Variants in LOXL1 observed in about 807,000 individuals in gnomAD.
LOXL1 encodes the protein lysyl oxidase like 1, also known as lysyl oxidase homolog 1.
In LOXL1, 31 loss-of-function variants were observed where a neutral mutation model predicts 62.2. That is an observed-to-expected ratio of 0.50 (90% CI 0.37 to 0.67). LOXL1 has a LOEUF of 0.67. Ranked by LOEUF, LOXL1 falls within the 30% of genes least tolerant of loss-of-function variation. LOXL1 has a pLI of 0.00. For missense variants in LOXL1, 775 were observed against 843.4 expected (o/e 0.92, Z 1.00); for synonymous variants, 403 against 384.4 (o/e 1.05, Z -0.56).
chr15:73,937,205 G>A (rs1437997823), intron 1 of LOXL1, among the ~76,000 whole-genome samples: 1 of 152,224 alleles, frequency 6.6e-6, no homozygotes, highest in Non-Finnish European at 1.5e-5. Context: ...GACAGGGTGG[G>A]CTTGTCCCGA....
At position 73,947,556 on chromosome 15, in the gene LOXL1, T is replaced by C. The variant is rs2068756888; in HGVS notation, c.1507-251T>C. ...ACCCTAAATATCCACAAACTGTCCA[T>C]CTGTCCTGTCTCTTTTTATCCATTC... is the stretch of plus-strand genomic sequence containing the variant. On this transcript the variant is annotated intron_variant, in intron 4 of 6. Transcript: ENST00000261921. The C allele has an allele frequency of 7.9e-6, 4 of 505,984 alleles. No individual in the cohort carries two copies. The East Asian group carries it at 1.3e-4, about 16-fold the overall frequency. 31.3% of individuals were successfully genotyped at this position (505,984 alleles called of 1,614,324 possible). A position where few individuals can be genotyped will look rare whatever the true frequency, so the allele number is the denominator to read the frequency against.
chr15:73,931,040 C>T (rs1406785571), intron 1 of LOXL1, among the ~76,000 whole-genome samples: 1 of 151,516 alleles, frequency 6.6e-6, no homozygotes, highest in African/African-American at 2.4e-5. Context: ...GCCTCAGCTC[C>T]TGCCTCCCTG....
At chr15:73,947,003 G>C in intron 3 of LOXL1, 64 bp from the exon 4 acceptor site, 1 of 1,473,770 alleles carries the variant, frequency 6.8e-7, no homozygotes, top group Admixed American at 2.3e-5. Context: ...TCAGGATGGG[G>C]ACAGGATGAG....
Position 73,946,398 on chromosome 15 carries a change from T to TCC in LOXL1, c.1212-15_1212-14dup. The TCC allele has an allele frequency of 1.5e-6, 2 of 1,360,914 alleles. No homozygotes were observed. The highest frequency in any genetic ancestry group is 1.7e-5 in the Admixed American group (1 of 57,176). The allele number at this position is 1,360,914 out of a possible 1,614,324, so 84.3% of individuals were successfully genotyped here. ...CACTGTGCCCCAACCCCCCCTCATC[T>TCC]CCCCCGCCGTCCCTGCAGCACAGCC... On this transcript the variant is annotated intron_variant, in intron 2 of 6. Transcript: ENST00000261921.
At chr15:73,947,551 G>C in intron 4 of LOXL1, 1 of 497,936 alleles carries the variant, frequency 2.0e-6, no homozygotes, top group Non-Finnish European at 3.6e-6. Context: ...TCCACAAACT[G>C]TCCATCTGTC....
chr15:73,949,317 C>T, intron 5 of LOXL1, 142 bp from the exon 6 acceptor site: 1 of 698,438 alleles, frequency 1.4e-6, no homozygotes, highest in Non-Finnish European at 2.6e-6. Context: ...CTCTGTGTCT[C>T]TCTAGCAGTG....
rs566506726 is a variant in LOXL1, at chr15:73,929,039, A to G, written c.1102+1154A>G. On this transcript the variant is annotated intron_variant, in intron 1 of 6. Coordinates refer to ENST00000261921, the MANE Select transcript of LOXL1 (RefSeq NM_005576.4). ...GCACATGAGGACACAGTGGAAAGGC[A>G]GCTTCCACACATGCTGTTAGCAGAC... Among the ~76,000 whole-genome samples, 33 of 152,314 alleles carry G rather than the reference A, an allele frequency of 2.2e-4. 1 individual carries two copies. In the South Asian group the frequency reaches 6.8e-3, roughly 32 times the overall value.
At chr15:73,951,129 G>T (rs2068782510) in intron 6 of LOXL1, among the ~76,000 whole-genome samples, 1 of 152,218 alleles carries the variant, frequency 6.6e-6, no homozygotes, top group African/African-American at 2.4e-5. Flanking sequence ...AAAGGAGGCT[G>T]CTGGGGGCTC....
chr15:73,951,804 A>C (rs376671295), intron 6 of LOXL1, 27 bp from the exon 7 acceptor site: 9 of 1,543,152 alleles, frequency 5.8e-6, no homozygotes, highest in Non-Finnish European at 7.9e-6. Context: ...GCAGCCCCTC[A>C]TTGACCCACT....
intron 1 of LOXL1, 28 bp downstream of exon 1, chr15:73,927,913 C>T: frequency 4.6e-6 from 6 of 1,297,476 alleles, no homozygotes; most frequent in Non-Finnish European, 4.9e-6. Context: ...GCCCCTCCGG[C>T]CGCGCGTACC....
intron 1 of LOXL1, among the ~76,000 whole-genome samples, chr15:73,931,063 G>C (rs1483248136): frequency 6.9e-6 from 1 of 144,758 alleles, no homozygotes; most frequent in Non-Finnish European, 1.5e-5. Flanking sequence ...GTTTCAGCTT[G>C]TCTGAGCTGG....
chr15:73,948,652 G>C (rs1048208064), intron 5 of LOXL1, among the ~76,000 whole-genome samples: 1 of 152,218 alleles, frequency 6.6e-6, no homozygotes, highest in African/African-American at 2.4e-5. Context: ...AGATGCATCC[G>C]GCAGCGGTTC....
chr15:73,947,265 G>C (rs768937332), intron 4 of LOXL1, 42 bp downstream of exon 4: 3 of 1,560,520 alleles, frequency 1.9e-6, no homozygotes, highest in Non-Finnish European at 2.6e-6. Context: ...GGAGGATAAG[G>C]AGTTGGGGAG....
chr15:73,951,732 C>A, intron 6 of LOXL1, 99 bp from the exon 7 acceptor site: 1 of 1,109,134 alleles, frequency 9.0e-7, no homozygotes, highest in South Asian at 2.0e-5. Flanking sequence ...GCCTGCCCTG[C>A]CACGAGGGAT....
At chr15:73,949,060 C>T (rs1039429483) in intron 5 of LOXL1, among the ~76,000 whole-genome samples, 1 of 152,064 alleles carries the variant, frequency 6.6e-6, no homozygotes. Flanking sequence ...GACAGGCCCT[C>T]GATCAGTCAC....
At position 73,929,619 on chromosome 15, in the gene LOXL1, G is replaced by A. The variant is rs558710487; in HGVS notation, c.1102+1734G>A. On this transcript the variant is annotated intron_variant, in intron 1 of 6. Coordinates refer to ENST00000261921, the MANE Select transcript of LOXL1 (RefSeq NM_005576.4). ...AAATCAGATGGCAGGTCCTTCTGTGGTGTGATGAAGGATGCATCCACCTGC... is the reference window on the plus strand; with the variant it reads ...AAATCAGATGGCAGGTCCTTCTGTGATGTGATGAAGGATGCATCCACCTGC... Among the ~76,000 whole-genome samples the A allele has an allele frequency of 4.6e-3, 705 of 152,364 alleles. 1 individual carries two copies. The highest frequency in any genetic ancestry group is 7.8e-3 in the Non-Finnish European group (531 of 68,030).
intron 6 of LOXL1, 33 bp from the exon 7 acceptor site, chr15:73,951,798 C>T (rs373340867): frequency 1.3e-6 from 2 of 1,528,030 alleles, no homozygotes; most frequent in African/African-American, 1.4e-5. Context: ...TACTTTGCAG[C>T]CCCTCATTGA....
chr15:73,926,741 C>T lies in LOXL1; in HGVS notation c.-43C>T. On this transcript the variant is annotated 5_prime_UTR_variant, in exon 1 of 7. Transcript: ENST00000261921. ...GAGAAGCACGCCCAGGGGGCCACTC[C>T]TGAGAGCCTCTCTGTCCACCAGGCC... 2.2e-6 allele frequency: 3 copies of T among 1,354,292 alleles called. No individual in the cohort carries two copies. Among genetic ancestry groups the T allele is most frequent in the Non-Finnish European group, 2.9e-6 (3 of 1,046,438 alleles). The allele number at this position is 1,354,292 out of a possible 1,614,324, so 83.9% of individuals were successfully genotyped here.
Position 73,942,986 on chromosome 15 carries a change from A to G in LOXL1, c.1211+24A>G, listed in dbSNP as rs747596162. 5 of 1,578,154 alleles carry G rather than the reference A, an allele frequency of 3.2e-6. No homozygotes were observed. The East Asian group carries it at 1.1e-4, about 35-fold the overall frequency. On this transcript the variant is annotated intron_variant, in intron 2 of 6. Transcript: ENST00000261921. ...AGGTAAGGAGCTGAGGCAGAAGTGT[A>G]GAGTGTTGGGATAGTCCCCGGGAGT...
Sources: gnomAD v4.1 joint callset for allele counts (sites outside exome capture counted in the v4.1 genomes callset) on GRCh38, gnomAD v4.1.1 for gene constraint, MANE v1.5 for transcripts, NCBI Gene and HGNC (gene_info 2026-07-23, HGNC 2026-07-21) for gene names.